Variants in MORC1 observed in about 807,000 individuals in gnomAD.
MORC1 encodes the protein MORC family CW-type zinc finger protein 1.
In MORC1, 59 loss-of-function variants were observed where a neutral mutation model predicts 134.9. The ratio of observed to expected loss-of-function variants is 0.44; its 90% CI spans 0.35 to 0.54. The LOEUF (loss-of-function observed/expected upper bound fraction) is 0.54, where lower values mean the gene tolerates loss of function less well. Ranked by LOEUF, MORC1 falls within the 20% of genes least tolerant of loss-of-function variation. MORC1 has a pLI of 0.00. For missense variants in MORC1, 947 were observed against 1,134.5 expected, an observed-to-expected ratio of 0.83 and a Z score of 2.37; for synonymous variants, 395 against 391.7, an observed-to-expected ratio of 1.01 and a Z score of -0.10.
intron 26 of MORC1, among the ~76,000 whole-genome samples, chr3:108,967,870 T>C (rs1256541593): frequency 6.6e-6 from 1 of 151,970 alleles, no homozygotes; most frequent in Non-Finnish European, 1.5e-5. Context: ...CAAAAAAAAG[T>C]TGAAAAAAAG....
In MORC1 at chr3:109,113,933, G is replaced by A. The variant is rs115607193; in HGVS notation, c.119+451C>T. ...AGGATATTAATTCCCATCTCAGAGTGTAGATATAAGGATGCATGACATAAT... is the reference window on the plus strand; with the variant it reads ...AGGATATTAATTCCCATCTCAGAGTATAGATATAAGGATGCATGACATAAT... On this transcript the variant is annotated intron_variant, in intron 2 of 27. Transcript: ENST00000232603. 4.3e-3 allele frequency among the ~76,000 whole-genome samples: 662 copies of A among 152,280 alleles called. 15 individuals carry two copies. The highest frequency in any genetic ancestry group is 0.015 in the African/African-American group (634 of 41,532).
At chr3:109,061,920 C>A in intron 11 of MORC1, 68 bp downstream of exon 11, 1 of 1,369,388 alleles carries the variant, frequency 7.3e-7, no homozygotes, top group Non-Finnish European at 1.0e-6. Context: ...TAAGAGACAA[C>A]TATGCACAGG....
rs545492192 is a variant in MORC1, at chr3:109,067,563, A to G, written c.815+2069T>C. On this transcript the variant is annotated intron_variant, in intron 9 of 27. Transcript: ENST00000232603. ...AGAGACAAATCCACATTTTCCATGGACTTAAACTATTTTTTACCCAAACTC... is the reference window on the plus strand; with the variant it reads ...AGAGACAAATCCACATTTTCCATGGGCTTAAACTATTTTTTACCCAAACTC... Among the ~76,000 whole-genome samples the G allele has an allele frequency of 2.0e-5, 3 of 152,286 alleles. 1 individual carries two copies. The East Asian group carries it at 5.8e-4, about 29-fold the overall frequency.
At chr3:108,970,503 T>G (rs1261421610) in intron 25 of MORC1, among the ~76,000 whole-genome samples, 1 of 151,620 alleles carries the variant, frequency 6.6e-6, no homozygotes, top group Non-Finnish European at 1.5e-5. Context: ...GAGGTGAGAG[T>G]AGAGGGTAAA....
At chr3:108,997,234 T>C (rs1339514322) in intron 21 of MORC1, among the ~76,000 whole-genome samples, 2 of 151,986 alleles carry the variant, frequency 1.3e-5, no homozygotes, top group Non-Finnish European at 2.9e-5. Flanking sequence ...ATGTGGTTTT[T>C]AAAAATTGCT....
intron 14 of MORC1, among the ~76,000 whole-genome samples, chr3:109,037,777 C>A (rs1559910434): frequency 6.6e-6 from 1 of 152,142 alleles, no homozygotes; most frequent in African/African-American, 2.4e-5. Flanking sequence ...TGAACTCATC[C>A]TTTTTTATGG....
intron 3 of MORC1, among the ~76,000 whole-genome samples, chr3:109,109,332 T>A (rs1951111883): frequency 6.6e-6 from 1 of 152,154 alleles, no homozygotes; most frequent in Non-Finnish European, 1.5e-5. Context: ...GACCTCAACA[T>A]TTTTCTCAGT....
At chr3:109,032,079 T>G (rs1415472252) in intron 16 of MORC1, among the ~76,000 whole-genome samples, 1 of 152,174 alleles carries the variant, frequency 6.6e-6, no homozygotes, top group Non-Finnish European at 1.5e-5. Flanking sequence ...GTTATTACCC[T>G]AATGTCTATA....
intron 16 of MORC1, among the ~76,000 whole-genome samples, chr3:109,028,142 T>C (rs1169664049): frequency 2.0e-5 from 3 of 152,212 alleles, no homozygotes; most frequent in Admixed American, 6.5e-5. Flanking sequence ...ATCAATTATA[T>C]TGCTAATGCT....
chr3:109,023,284 G>T (rs1303817593), intron 17 of MORC1, among the ~76,000 whole-genome samples: 1 of 152,192 alleles, frequency 6.6e-6, no homozygotes, highest in Non-Finnish European at 1.5e-5. Flanking sequence ...CAGAGTGAAA[G>T]AAACGAATGC....
At chr3:109,019,678 C>T (rs188601684) in intron 17 of MORC1, among the ~76,000 whole-genome samples, 1 of 152,280 alleles carries the variant, frequency 6.6e-6, no homozygotes, top group East Asian at 1.9e-4. Context: ...TCCTCATCCA[C>T]AAAATAGGAA....
chr3:109,006,982 T>C, intron 18 of MORC1, 47 bp downstream of exon 18: 1 of 1,502,712 alleles, frequency 6.7e-7, no homozygotes, highest in Non-Finnish European at 9.1e-7. Context: ...CTCCTTCACA[T>C]GGTTAAAACA....
chr3:109,053,025 T>C (rs192421411), intron 14 of MORC1, among the ~76,000 whole-genome samples: 7 of 148,568 alleles, frequency 4.7e-5, no homozygotes, highest in Admixed American at 3.4e-4. Flanking sequence ...ATGGTCCACA[T>C]CACAAATCAC....
intron 1 of MORC1, among the ~76,000 whole-genome samples, chr3:109,116,930 G>A (rs1306527602): frequency 1.3e-5 from 2 of 152,180 alleles, no homozygotes; most frequent in African/African-American, 2.4e-5. Context: ...GGGTGGTTTG[G>A]GGGAATGGAG....
chr3:109,065,695 C>T (rs938850500), intron 9 of MORC1, among the ~76,000 whole-genome samples: 8 of 152,138 alleles, frequency 5.3e-5, no homozygotes, highest in Non-Finnish European at 8.8e-5. Flanking sequence ...AACTAACTTG[C>T]CCCAAAAGAC....
At chr3:108,991,072 G>A (rs567444487) in intron 21 of MORC1, among the ~76,000 whole-genome samples, 16 of 152,212 alleles carry the variant, frequency 1.1e-4, no homozygotes, top group Non-Finnish European at 2.2e-4. Flanking sequence ...GGAATGAGCA[G>A]TGGGGTCTGT....
chr3:108,966,726 T>C (rs912910607), intron 26 of MORC1, among the ~76,000 whole-genome samples: 1 of 151,986 alleles, frequency 6.6e-6, no homozygotes, highest in Admixed American at 6.5e-5. Flanking sequence ...CCAAGCTCAA[T>C]GGGGAAGGAT....
chr3:108,998,874 G>C (rs1948312441), intron 21 of MORC1, among the ~76,000 whole-genome samples: 1 of 152,102 alleles, frequency 6.6e-6, no homozygotes, highest in Admixed American at 6.5e-5. Flanking sequence ...AAGAACTTGA[G>C]AACTATTACC....
chr3:109,110,648 AT>A, intron 3 of MORC1, 100 bp downstream of exon 3: 2 of 1,024,904 alleles, frequency 2.0e-6, no homozygotes, highest in South Asian at 3.1e-5. Flanking sequence ...TTACATTAAA[AT>A]TCTATAGAAT....
Sources: allele counts gnomAD v4.1 joint callset (sites outside exome capture counted in the v4.1 genomes callset), GRCh38; gene constraint gnomAD v4.1.1; transcripts MANE v1.5; gene names NCBI Gene and HGNC (gene_info 2026-07-23, HGNC 2026-07-21).